SNX18: variants seen among roughly 807,000 people sequenced by gnomAD.
SNX18 encodes sorting nexin-18.
SNX18 carries 35 observed loss-of-function variants against 48.7 expected under a neutral mutation model. That is an observed-to-expected ratio of 0.72 (90% confidence interval 0.55 to 0.95). SNX18 has a LOEUF of 0.95. Ranked by LOEUF, SNX18 falls within the 40% of genes least tolerant of loss-of-function variation. The pLI is 0.00. For synonymous variants in SNX18, 492 were observed against 384.7 expected (o/e 1.28, Z -3.26); for missense variants, 824 against 871.0 (o/e 0.95, Z 0.68).
the SNX18 span, among the ~76,000 whole-genome samples, chr5:54,611,705 C>A: frequency 6.6e-6 from 1 of 151,984 alleles, no homozygotes; most frequent in East Asian, 1.9e-4. Flanking sequence ...AAAGCATAAA[C>A]GCCACTCACA....
chr5:54,601,366 C>T, the SNX18 span, among the ~76,000 whole-genome samples: 2 of 152,266 alleles, frequency 1.3e-5, no homozygotes, highest in Non-Finnish European at 1.5e-5. Context: ...ATTGGCTACC[C>T]AGGATGTACC....
chr5:54,611,936 A>G, the SNX18 span, among the ~76,000 whole-genome samples: 62 of 151,556 alleles, frequency 4.1e-4, no homozygotes, highest in African/African-American at 1.5e-3. Context: ...GGAGTGCAGT[A>G]GCACAATCAT....
At chr5:54,551,994 C>G in the SNX18 span, among the ~76,000 whole-genome samples, 3 of 152,214 alleles carry the variant, frequency 2.0e-5, no homozygotes, top group African/African-American at 7.2e-5. Flanking sequence ...AGTCAGCCTT[C>G]TTAGGAAGGC....
the SNX18 span, among the ~76,000 whole-genome samples, chr5:54,618,480 C>T: frequency 2.6e-5 from 4 of 152,194 alleles, no homozygotes; most frequent in East Asian, 7.7e-4. Context: ...CATCCTTCAC[C>T]ACTTTCCAGT....
the SNX18 span, among the ~76,000 whole-genome samples, chr5:54,582,786 A>T: frequency 6.6e-6 from 1 of 152,098 alleles, no homozygotes; most frequent in African/African-American, 2.4e-5. Flanking sequence ...AATAAATTAG[A>T]ATCTGTTCGG....
At chr5:54,557,796 A>C in the SNX18 span, among the ~76,000 whole-genome samples, 1 of 152,254 alleles carries the variant, frequency 6.6e-6, no homozygotes, top group Non-Finnish European at 1.5e-5. Flanking sequence ...TTGAAAAAAT[A>C]GTTATCTTCT....
the SNX18 span, among the ~76,000 whole-genome samples, chr5:54,552,187 C>T: frequency 6.6e-6 from 1 of 152,216 alleles, no homozygotes; most frequent in Non-Finnish European, 1.5e-5. Flanking sequence ...CCTTCTGAGA[C>T]ATTCGTGAGC....
intron 1 of SNX18, among the ~76,000 whole-genome samples, chr5:54,522,609 T>G (rs751288818): frequency 2.0e-5 from 3 of 152,244 alleles, no homozygotes; most frequent in Non-Finnish European, 4.4e-5. Flanking sequence ...TCTTCTTTGC[T>G]GAATTTCCCA....
At chr5:54,579,507 C>A in the SNX18 span, among the ~76,000 whole-genome samples, 4 of 152,128 alleles carry the variant, frequency 2.6e-5, no homozygotes, top group African/African-American at 9.7e-5. Context: ...TTAATAAATG[C>A]AAATTTCATT....
the SNX18 span, among the ~76,000 whole-genome samples, chr5:54,561,100 T>A: frequency 7.2e-5 from 11 of 152,356 alleles, no homozygotes; most frequent in Admixed American, 2.0e-4. Flanking sequence ...TGGAGGGCAA[T>A]GTCATGATCT....
chr5:54,549,355 C>T (rs1762619498), downstream of SNX18, among the ~76,000 whole-genome samples: 1 of 152,200 alleles, frequency 6.6e-6, no homozygotes. Context: ...CCTGCTTTAG[C>T]CCTGGTAACT....
rs1761935100 is a variant in SNX18 at position 54,518,663 on chromosome 5, G to A, written c.711G>A (p.Lys237=). The A allele has an allele frequency of 2.6e-6, 4 of 1,559,260 alleles. No individual in the cohort carries two copies. The highest frequency in any genetic ancestry group is 2.4e-5 in the South Asian group (2 of 82,450). Reference sequence around the variant, plus strand: ...TCAATCGCTTCTCCACCTTCGTCAAGTCCGGCGGGGAGGCCTTCGTGCTGG... The same window carrying A: ...TCAATCGCTTCTCCACCTTCGTCAAATCCGGCGGGGAGGCCTTCGTGCTGG... ...RNLNRFSTFV[K]SGGEAFVLGE... The change falls in exon 1 of 2, where the codon AAG becomes AAA. Residue 237 remains lysine (K), a synonymous_variant. Transcript: ENST00000381410.
chr5:54,632,940 A>G, the SNX18 span, among the ~76,000 whole-genome samples: 1 of 151,894 alleles, frequency 6.6e-6, no homozygotes, highest in East Asian at 2.0e-4. Flanking sequence ...ATGCCCAGCT[A>G]ATTTTTGTAT....
At chr5:54,614,417 T>A in the SNX18 span, among the ~76,000 whole-genome samples, 1 of 152,170 alleles carries the variant, frequency 6.6e-6, no homozygotes, top group Non-Finnish European at 1.5e-5. Context: ...TGGAACAAGA[T>A]CAGTGATTAG....
the SNX18 span, among the ~76,000 whole-genome samples, chr5:54,639,782 G>A: frequency 1.5e-4 from 23 of 150,096 alleles, no homozygotes; most frequent in African/African-American, 5.5e-4. Flanking sequence ...CGTACTCAGA[G>A]AAGCGATTTG....
At chr5:54,647,917 G>T in the SNX18 span, among the ~76,000 whole-genome samples, 6 of 152,222 alleles carry the variant, frequency 3.9e-5, no homozygotes, top group East Asian at 1.2e-3. Flanking sequence ...GATGTCAAGG[G>T]TGAATGGTTC....
chr5:54,562,551 T>C, the SNX18 span, among the ~76,000 whole-genome samples: 11 of 152,104 alleles, frequency 7.2e-5, no homozygotes, highest in Non-Finnish European at 1.0e-4. Context: ...ATCATAGCCA[T>C]GGTAATGCAG....
At chr5:54,565,572 TA>T in the SNX18 span, among the ~76,000 whole-genome samples, 27 of 148,752 alleles carry the variant, frequency 1.8e-4, no homozygotes, top group South Asian at 1.7e-3. Flanking sequence ...GACCTTGTCT[TA>T]AAAAAAAAAG....
the SNX18 span, among the ~76,000 whole-genome samples, chr5:54,564,712 G>T: frequency 1.6e-4 from 25 of 152,252 alleles, no homozygotes; most frequent in East Asian, 4.8e-3. Context: ...CAAAAAGTTA[G>T]CTGGGTGCGG....
Sources: allele counts gnomAD v4.1 joint callset (sites outside exome capture counted in the v4.1 genomes callset), GRCh38; gene constraint gnomAD v4.1.1; transcripts MANE v1.5; gene names NCBI Gene and HGNC (gene_info 2026-07-23, HGNC 2026-07-21).